Variants in CBFA2T2 observed in about 807,000 individuals in gnomAD.
The protein encoded by CBFA2T2 is CBFA2/RUNX1 partner transcriptional co-repressor 2, also known as protein CBFA2T2.
CBFA2T2 carries 11 observed loss-of-function variants against 62.2 expected under a neutral mutation model. That is an observed-to-expected ratio of 0.18 (90% confidence interval 0.11 to 0.29). The LOEUF (loss-of-function observed/expected upper bound fraction) is 0.29. CBFA2T2 is among the 10% of genes least tolerant of loss of function. The probability of loss-of-function intolerance (pLI) is 1.00; values close to 1 mark genes in which losing one functional copy is unlikely to be tolerated. For missense variants in CBFA2T2, 592 were observed against 774.1 expected, an observed-to-expected ratio of 0.76 and a Z score of 2.79; for synonymous variants, 295 against 287.5, an observed-to-expected ratio of 1.03 and a Z score of -0.27.
intron 1 of CBFA2T2, among the ~76,000 whole-genome samples, chr20:33,581,293 G>A (rs879903843): frequency 2.6e-5 from 4 of 152,128 alleles, no homozygotes; most frequent in Non-Finnish European, 5.9e-5. Context: ...TCATGATCTT[G>A]TGATCCACCT....
intron 1 of CBFA2T2, among the ~76,000 whole-genome samples, chr20:33,491,619 C>G (rs2011146941): frequency 6.6e-6 from 1 of 152,046 alleles, no homozygotes. Flanking sequence ...TGGTTTGATC[C>G]ATTCCTCATG....
intron 1 of CBFA2T2, among the ~76,000 whole-genome samples, chr20:33,592,334 GC>G (rs910003773): frequency 6.7e-6 from 1 of 149,184 alleles, no homozygotes; most frequent in Admixed American, 6.7e-5. Flanking sequence ...CTGCACTCCA[GC>G]CTGGGTGACA....
chr20:33,519,161 A>G (rs909743455), intron 1 of CBFA2T2, among the ~76,000 whole-genome samples: 1 of 152,108 alleles, frequency 6.6e-6, no homozygotes, highest in African/African-American at 2.4e-5. Flanking sequence ...GATCGCAACT[A>G]TTCAGGAAAA....
intron 1 of CBFA2T2, among the ~76,000 whole-genome samples, chr20:33,539,791 A>T (rs1016434234): frequency 6.6e-6 from 1 of 151,912 alleles, no homozygotes; most frequent in Non-Finnish European, 1.5e-5. Flanking sequence ...GGCTCAAGCA[A>T]TCCTCCCACC....
chr20:33,536,890 G>A (rs1315029107), intron 1 of CBFA2T2, among the ~76,000 whole-genome samples: 1 of 151,660 alleles, frequency 6.6e-6, no homozygotes, highest in African/African-American at 2.4e-5. Context: ...TAGACGGGAT[G>A]GCGGCCGGGA....
chr20:33,612,042 A>G (rs1352921846), intron 3 of CBFA2T2, among the ~76,000 whole-genome samples: 1 of 152,234 alleles, frequency 6.6e-6, no homozygotes, highest in Non-Finnish European at 1.5e-5. Context: ...TTTCAAAACA[A>G]TGATTTCTAA....
At chr20:33,615,547 C>T (rs2015673109) in intron 3 of CBFA2T2, among the ~76,000 whole-genome samples, 2 of 152,134 alleles carry the variant, frequency 1.3e-5, no homozygotes, top group South Asian at 4.1e-4. Flanking sequence ...CATTCTGGTT[C>T]AGAGGCAAGG....
At chr20:33,619,372 G>T in intron 3 of CBFA2T2, 145 bp from the exon 4 acceptor site, 1 of 459,772 alleles carries the variant, frequency 2.2e-6, no homozygotes, top group Non-Finnish European at 3.7e-6. Flanking sequence ...GCGCCACTGC[G>T]CTCTGGCCTG....
intron 1 of CBFA2T2, among the ~76,000 whole-genome samples, chr20:33,503,675 C>T (rs1438110873): frequency 6.6e-6 from 1 of 152,032 alleles, no homozygotes; most frequent in East Asian, 1.9e-4. Flanking sequence ...GGCAGAGTCT[C>T]AGAATAACTT....
At chr20:33,510,388 A>G (rs1360725651) in intron 1 of CBFA2T2, among the ~76,000 whole-genome samples, 1 of 149,584 alleles carries the variant, frequency 6.7e-6, no homozygotes, top group Non-Finnish European at 1.5e-5. Context: ...TTTTTTTTGT[A>G]TTTTTAGTAG....
At chr20:33,493,741 G>A (rs1171766296) in intron 1 of CBFA2T2, among the ~76,000 whole-genome samples, 1 of 150,950 alleles carries the variant, frequency 6.6e-6, no homozygotes, top group Non-Finnish European at 1.5e-5. Context: ...GGGCTGCAGC[G>A]ATCCTCCTGC....
chr20:33,603,290 T>A (rs1019698019), intron 1 of CBFA2T2, among the ~76,000 whole-genome samples: 2 of 152,234 alleles, frequency 1.3e-5, no homozygotes, highest in African/African-American at 4.8e-5. Context: ...ATTACTTTAT[T>A]CTTTCATCTG....
chr20:33,611,723 C>A (rs753571618), intron 3 of CBFA2T2, among the ~76,000 whole-genome samples: 2 of 152,090 alleles, frequency 1.3e-5, no homozygotes, highest in Admixed American at 6.5e-5. Context: ...CTATCTTGTT[C>A]AGGCTGCTTT....
At chr20:33,518,169 C>T (rs531965354) in intron 1 of CBFA2T2, among the ~76,000 whole-genome samples, 2 of 151,732 alleles carry the variant, frequency 1.3e-5, no homozygotes, top group East Asian at 2.0e-4. Flanking sequence ...AGGATGGTTT[C>T]GGTCTCCTGA....
chr20:33,535,425 A>G (rs2146872861), intron 1 of CBFA2T2, among the ~76,000 whole-genome samples: 1 of 149,748 alleles, frequency 6.7e-6, no homozygotes, highest in African/African-American at 2.5e-5. Context: ...ACAGGTCCCC[A>G]TGGTCCCCAC....
In CBFA2T2 at chr20:33,563,017, C is replaced by G. The variant is rs559761307; in HGVS notation, c.35-43939C>G. Among the ~76,000 whole-genome samples, 19 of 152,164 alleles carry G rather than the reference C, an allele frequency of 1.2e-4. No individual in the cohort carries two copies. In the South Asian group the frequency reaches 3.7e-3, roughly 30 times the overall value. The stretch of plus-strand genomic sequence containing the variant: ...GATGTTTAGAGGGAATTTTTTTCCC[C>G]TTTAGTATGCATAATACAAATAGGC... On this transcript the variant is annotated intron_variant, in intron 1 of 10. Transcript: ENST00000342704.
intron 1 of CBFA2T2, among the ~76,000 whole-genome samples, chr20:33,555,363 G>A (rs2012867380): frequency 6.6e-6 from 1 of 152,118 alleles, no homozygotes. Flanking sequence ...ATTAGATCAT[G>A]GACTGACACA....
Position 33,515,169 on chromosome 20 carries a change from G to A in CBFA2T2, c.34+24868G>A, listed in dbSNP as rs145292312. Among the ~76,000 whole-genome samples, 599 of 151,664 alleles carry A rather than the reference G, an allele frequency of 3.9e-3. 5 individuals are homozygous for A. The highest frequency in any genetic ancestry group is 0.017 in the Middle Eastern group (5 of 292). ...TTTGAGACTAGCCTAGCAAAAACAT[G>A]GTGAAATCCTGTCTCTACTAAAAAT... On this transcript the variant is annotated intron_variant, in intron 1 of 10. Coordinates refer to ENST00000342704, the MANE Select transcript of CBFA2T2 (RefSeq NM_001032999.3).
chr20:33,496,263 C>T (rs2011198378), intron 1 of CBFA2T2, among the ~76,000 whole-genome samples: 1 of 152,158 alleles, frequency 6.6e-6, no homozygotes, highest in African/African-American at 2.4e-5. Context: ...CTACAGGGAA[C>T]CTGATTGAAG....
Sources: gnomAD v4.1 joint callset for allele counts (sites outside exome capture counted in the v4.1 genomes callset) on GRCh38, gnomAD v4.1.1 for gene constraint, MANE v1.5 for transcripts, NCBI Gene and HGNC (gene_info 2026-07-23, HGNC 2026-07-21) for gene names.